YTHDF3: variants seen among roughly 807,000 people sequenced by gnomAD.
The protein encoded by YTHDF3 is YTH domain-containing family protein 3.
A neutral mutation model predicts 52.5 loss-of-function variants in YTHDF3; 9 were observed. The ratio of observed to expected loss-of-function variants is 0.17; its 90% CI spans 0.10 to 0.30. YTHDF3 has a LOEUF of 0.30. Among genes scored for constraint, YTHDF3 ranks in the 10% least tolerant of loss-of-function variants. The pLI is 1.00. For missense variants in YTHDF3, 534 were observed against 715.0 expected (o/e 0.75, Z 2.89); for synonymous variants, 274 against 243.3 (o/e 1.13, Z -1.18).
rs536412622 is a variant in YTHDF3, at chr8:63,203,954, T to C, written c.1735-5729T>C. On this transcript the variant is annotated intron_variant, in intron 4 of 4. Coordinates refer to ENST00000539294, the MANE Select transcript of YTHDF3 (RefSeq NM_152758.6). ...TGATCTTAACTTCGATTGCTTAAAG[T>C]GGTGTCTGCTAGGTTTCTCCACCAT... Among the ~76,000 whole-genome samples the C allele has an allele frequency of 5.9e-5, 9 of 152,326 alleles. No homozygotes were observed. In the South Asian group the frequency reaches 1.9e-3, roughly 32 times the overall value.
chr8:63,174,972 G>C (rs560421667), intron 2 of YTHDF3, among the ~76,000 whole-genome samples: 1 of 152,232 alleles, frequency 6.6e-6, no homozygotes, highest in Admixed American at 6.5e-5. Context: ...AACGCTACTT[G>C]AAATAGTTAT....
chr8:63,209,840 A>T lies in YTHDF3; in HGVS notation c.*134A>T, dbSNP rs1053209609. ...CTTTGAACACTTTAACACAAAGTTG[A>T]CTCTTCTCGTAATGGTTTTCATCAG... is the stretch of plus-strand genomic sequence containing the variant. On this transcript the variant is annotated 3_prime_UTR_variant, in exon 5 of 5. Transcript: ENST00000539294. 8 of 850,028 alleles carry T rather than the reference A, an allele frequency of 9.4e-6. No homozygotes were observed. The highest frequency in any genetic ancestry group is 1.2e-5 in the Non-Finnish European group (7 of 566,190). The allele number at this position is 850,028 out of a possible 1,614,324, so 52.7% of individuals were successfully genotyped here.
rs1178879863 is a variant in YTHDF3, at chr8:63,168,661, A to G, written c.-217A>G. The G allele has an allele frequency of 3.1e-5, 25 of 817,520 alleles. No individual in the cohort carries two copies. Among genetic ancestry groups the G allele is most frequent in the East Asian group, 8.2e-5 (3 of 36,526 alleles). 50.6% of individuals were successfully genotyped at this position (817,520 alleles called of 1,614,324 possible). A position where few individuals can be genotyped will look rare whatever the true frequency, so the allele number is the denominator to read the frequency against. ...GTCCGCCATTGTGGACCCGAGAAGCAGAGAGCGAGAGGGGGAAGAGGAGCG... is the reference window on the plus strand; with the variant it reads ...GTCCGCCATTGTGGACCCGAGAAGCGGAGAGCGAGAGGGGGAAGAGGAGCG... On this transcript the variant is annotated 5_prime_UTR_variant, in exon 1 of 5. Coordinates refer to ENST00000539294, the MANE Select transcript of YTHDF3 (RefSeq NM_152758.6).
At position 63,187,362 on chromosome 8, in the gene YTHDF3, G is replaced by A. The variant is rs1406842826; in HGVS notation, c.1351G>A (p.Ala451Thr). 1.2e-6 allele frequency: 2 copies of A among 1,614,028 alleles called. No individual in the cohort carries two copies. Among genetic ancestry groups the A allele is most frequent in the Non-Finnish European group, 1.7e-6 (2 of 1,179,912 alleles). The change falls in exon 4 of 5, where the codon GCT becomes ACT. Residue 451 changes from alanine to threonine, a missense_variant. Ala to Thr is a moderately conservative substitution (Grantham distance 58, BLOSUM62 0). Coordinates refer to ENST00000539294, the MANE Select transcript of YTHDF3 (RefSeq NM_152758.6). ...GCATGGTAATAAGCGTTTGGATGCA[G>A]CTTACCGTTCCCTGAATGGGAAAGG... ...TEHGNKRLDAAYRSLNGKGPL... is the reference protein window; with the variant it reads ...TEHGNKRLDATYRSLNGKGPL...
intron 4 of YTHDF3, 24 bp from the exon 5 acceptor site, chr8:63,209,659 G>A (rs1810260469): frequency 1.9e-6 from 3 of 1,546,260 alleles, no homozygotes; most frequent in Non-Finnish European, 2.6e-6. Context: ...TTCTTTTTGT[G>A]TGTGTGTGTT....
intron 4 of YTHDF3, among the ~76,000 whole-genome samples, chr8:63,188,203 T>G (rs1033804710): frequency 1.3e-5 from 2 of 151,780 alleles, no homozygotes; most frequent in Non-Finnish European, 2.9e-5. Flanking sequence ...GGTGCAGTTA[T>G]GGCGTATAGC....
intron 4 of YTHDF3, among the ~76,000 whole-genome samples, chr8:63,188,164 C>T (rs1048527282): frequency 1.3e-5 from 2 of 151,954 alleles, no homozygotes; most frequent in Non-Finnish European, 2.9e-5. Context: ...TGCTGTGTTG[C>T]CCAGGCTGGA....
intron 2 of YTHDF3, among the ~76,000 whole-genome samples, chr8:63,174,226 T>A (rs1438481310): frequency 6.6e-6 from 1 of 152,230 alleles, no homozygotes; most frequent in Non-Finnish European, 1.5e-5. Flanking sequence ...TTCTAATTTG[T>A]AGACATCCAT....
Position 63,173,623 on chromosome 8 carries a change from A to G in YTHDF3, c.50-1708A>G, listed in dbSNP as rs138589922. 1.0e-5 allele frequency: 10 copies of G among 984,732 alleles called. No individual in the cohort carries two copies. The South Asian group carries it at 1.4e-4, about 14-fold the overall frequency. 61.0% of individuals were successfully genotyped at this position (984,732 alleles called of 1,614,324 possible). On this transcript the variant is annotated intron_variant, in intron 2 of 4. Coordinates refer to ENST00000539294, the MANE Select transcript of YTHDF3 (RefSeq NM_152758.6). The stretch of plus-strand genomic sequence containing the variant: ...GAAGAATTTTTTTTCAAGAAGTAAT[A>G]GACCATGCATACTTACCTTTGATTT...
chr8:63,198,180 T>G (rs1585777634), intron 4 of YTHDF3, among the ~76,000 whole-genome samples: 1 of 152,210 alleles, frequency 6.6e-6, no homozygotes, highest in Non-Finnish European at 1.5e-5. Context: ...TAGTTCTTTA[T>G]GCTGTTACAT....
intron 4 of YTHDF3, among the ~76,000 whole-genome samples, chr8:63,197,182 C>T (rs1809294925): frequency 6.6e-6 from 1 of 152,196 alleles, no homozygotes; most frequent in Non-Finnish European, 1.5e-5. Flanking sequence ...AGGCTTTGCT[C>T]TCTGCTGAAT....
intron 4 of YTHDF3, among the ~76,000 whole-genome samples, chr8:63,204,361 G>GTTTTT (rs1205321648): frequency 3.2e-5 from 4 of 124,854 alleles, no homozygotes; most frequent in African/African-American, 1.2e-4. Context: ...TGTGTTTGTT[G>GTTTTT]TTTTTTTTTT....
chr8:63,192,557 A>G (rs1206670251), intron 4 of YTHDF3, among the ~76,000 whole-genome samples: 1 of 152,182 alleles, frequency 6.6e-6, no homozygotes, highest in Non-Finnish European at 1.5e-5. Flanking sequence ...TGGTTAGCAT[A>G]TAGGGTACCA....
chr8:63,207,636 A>G (rs796582223), intron 4 of YTHDF3, among the ~76,000 whole-genome samples: 10 of 152,298 alleles, frequency 6.6e-5, no homozygotes, highest in African/African-American at 1.9e-4. Context: ...GTTGATTACA[A>G]TTCAAACTGA....
At chr8:63,173,220 A>ATAC (rs1807459710) in intron 2 of YTHDF3, among the ~76,000 whole-genome samples, 1 of 148,572 alleles carries the variant, frequency 6.7e-6, no homozygotes. Flanking sequence ...ATATACAGAT[A>ATAC]AATTTTAAGT....
intron 4 of YTHDF3, among the ~76,000 whole-genome samples, chr8:63,192,114 A>G (rs1403193803): frequency 6.6e-6 from 1 of 151,240 alleles, no homozygotes; most frequent in African/African-American, 2.4e-5. Flanking sequence ...CATCCCCCAA[A>G]CCCTCCCTTA....
In YTHDF3 at chr8:63,168,776, C is replaced by G. The variant is rs2129932135; in HGVS notation, c.-102C>G. ...CAGCGAACGGCGGCAGCGGCGGCGG[C>G]TGGAACAATCACTCGGCCAAGGGCG... On this transcript the variant is annotated 5_prime_UTR_variant, in exon 1 of 5. Coordinates refer to ENST00000539294, the MANE Select transcript of YTHDF3 (RefSeq NM_152758.6). 1 of 1,547,020 alleles carries G rather than the reference C, an allele frequency of 6.5e-7. No individual in the cohort carries two copies. Among genetic ancestry groups the G allele is most frequent in the Non-Finnish European group, 8.7e-7 (1 of 1,145,048 alleles).
rs984692530 is a variant in YTHDF3, at chr8:63,212,064, C to T, written c.*2358C>T. On this transcript the variant is annotated 3_prime_UTR_variant, in exon 5 of 5. Transcript: ENST00000539294. ...GACCAAAAGGGAGAGAGCCTGGGGT[C>T]TACAAGAGGAGACACATCATCAAAT... is the stretch of plus-strand genomic sequence containing the variant. The T allele has an allele frequency of 1.3e-5, 2 of 152,476 alleles. No individual in the cohort carries two copies. The highest frequency in any genetic ancestry group is 3.9e-4 in the East Asian group (2 of 5,188). The allele number at this position is 152,476 out of a possible 1,614,324, so 9.4% of individuals were successfully genotyped here. A position where few individuals can be genotyped will look rare whatever the true frequency, so the allele number is the denominator to read the frequency against.
At chr8:63,173,202 T>TTA (rs545707272) in intron 2 of YTHDF3, among the ~76,000 whole-genome samples, 104 of 125,918 alleles carry the variant, frequency 8.3e-4, no homozygotes, top group Non-Finnish European at 1.1e-3. Flanking sequence ...AGGATTATAT[T>TTA]TATATATATA....
Sources: gnomAD v4.1 joint callset for allele counts (sites outside exome capture counted in the v4.1 genomes callset) on GRCh38, gnomAD v4.1.1 for gene constraint, MANE v1.5 for transcripts, NCBI Gene and HGNC (gene_info 2026-07-23, HGNC 2026-07-21) for gene names.